The following HDAC9 variants were observed in gnomAD, a reference collection of about 807,000 sequenced individuals.
HDAC9 encodes the protein MEF-2 interacting transcription repressor (MITR) protein.
A neutral mutation model predicts 139.4 loss-of-function variants in HDAC9; 41 were observed. That is an observed-to-expected ratio of 0.29 (90% confidence interval 0.23 to 0.38). The LOEUF (loss-of-function observed/expected upper bound fraction) is 0.38. Ranked by LOEUF, HDAC9 falls within the 10% of genes least tolerant of loss-of-function variation. The pLI is 1.00. For synonymous variants in HDAC9, 517 were observed against 476.2 expected, an observed-to-expected ratio of 1.09 and a Z score of -1.12; for missense variants, 1,147 against 1,297.0, an observed-to-expected ratio of 0.88 and a Z score of 1.78.
intron 14 of HDAC9, 63 bp from the exon 15 acceptor site, chr7:18,762,094 G>T: frequency 1.3e-6 from 2 of 1,560,732 alleles, no homozygotes; most frequent in Admixed American, 1.7e-5. Flanking sequence ...ATGTGACTTG[G>T]GGTCTCATTT....
At chr7:18,342,780 T>C (rs939733023) in intron 1 of HDAC9, among the ~76,000 whole-genome samples, 5 of 151,908 alleles carry the variant, frequency 3.3e-5, no homozygotes, top group African/African-American at 1.2e-4. Context: ...GTCTTTCATT[T>C]GTAAATGCTG....
chr7:18,276,566 C>A (rs763821290), intron 2 of HDAC9, among the ~76,000 whole-genome samples: 1 of 152,156 alleles, frequency 6.6e-6, no homozygotes, highest in Non-Finnish European at 1.5e-5. Flanking sequence ...ATAGGGACAT[C>A]TGTCTCTGCA....
chr7:18,665,225 G>A (rs547691010), intron 11 of HDAC9, among the ~76,000 whole-genome samples: 2 of 152,166 alleles, frequency 1.3e-5, no homozygotes, highest in South Asian at 4.2e-4. Context: ...TACAATAATT[G>A]GCATGTTGCT....
At chr7:18,239,271 G>A (rs1455787581) in intron 2 of HDAC9, among the ~76,000 whole-genome samples, 1 of 152,074 alleles carries the variant, frequency 6.6e-6, no homozygotes, top group Non-Finnish European at 1.5e-5. Context: ...GAAATAGAAG[G>A]AAACCCATTT....
chr7:18,830,656 A>G (rs1048290165), intron 19 of HDAC9, among the ~76,000 whole-genome samples: 3 of 152,176 alleles, frequency 2.0e-5, no homozygotes, highest in African/African-American at 7.2e-5. Flanking sequence ...GAAGAACGAT[A>G]CCCATTTGTT....
intron 1 of HDAC9, among the ~76,000 whole-genome samples, chr7:18,316,172 C>T (rs928401691): frequency 2.0e-5 from 3 of 151,988 alleles, no homozygotes; most frequent in African/African-American, 7.2e-5. Context: ...TAGGGTGAGG[C>T]CTGAGATTTT....
intron 2 of HDAC9, among the ~76,000 whole-genome samples, chr7:18,273,056 G>GTTTTTTTTTTTTTTTTTTTTTTTTTTTT (rs746089054): frequency 1.1e-4 from 9 of 84,774 alleles, no homozygotes; most frequent in Admixed American, 1.2e-4. Context: ...CCCCTTCTTC[G>GTTTTTTTTTTTTTTTTTTTTTTTTTTTT]TTTTTTTTTT....
intron 12 of HDAC9, among the ~76,000 whole-genome samples, chr7:18,716,030 G>C (rs909606053): frequency 1.3e-5 from 2 of 152,134 alleles, no homozygotes; most frequent in Non-Finnish European, 2.9e-5. Flanking sequence ...CTCTCGTTAT[G>C]ATATTTTATA....
chr7:18,187,549 A>T (rs541464340), intron 2 of HDAC9, among the ~76,000 whole-genome samples: 2 of 152,114 alleles, frequency 1.3e-5, no homozygotes, highest in Admixed American at 1.3e-4. Flanking sequence ...TCTTAACTCT[A>T]TTCCCCTCCA....
intron 19 of HDAC9, 22 bp from the exon 20 acceptor site, chr7:18,835,445 G>A (rs555747939): frequency 1.2e-5 from 20 of 1,603,764 alleles, no homozygotes; most frequent in South Asian, 8.9e-5. Context: ...TGTATTTGTC[G>A]TCTGTTTTCA....
intron 12 of HDAC9, among the ~76,000 whole-genome samples, chr7:18,678,004 G>A (rs1781632039): frequency 6.6e-6 from 1 of 151,748 alleles, no homozygotes; most frequent in African/African-American, 2.4e-5. Context: ...GACAGGTTGA[G>A]TTTCATTATC....
chr7:18,254,299 C>T (rs1002155009), intron 2 of HDAC9, among the ~76,000 whole-genome samples: 1 of 152,168 alleles, frequency 6.6e-6, no homozygotes, highest in Non-Finnish European at 1.5e-5. Context: ...TCTAGGAATC[C>T]TCATTAAGTA....
chr7:18,644,413 T>C (rs1786699378), intron 8 of HDAC9, among the ~76,000 whole-genome samples: 1 of 152,146 alleles, frequency 6.6e-6, no homozygotes, highest in African/African-American at 2.4e-5. Context: ...ATGCTGACCA[T>C]ATTTTGTATA....
Position 18,999,650 on chromosome 7 carries a change from G to C in HDAC9, c.*3588G>C, listed in dbSNP as rs1205117894. 1 of 152,106 alleles carries C rather than the reference G, an allele frequency of 6.6e-6. No individual in the cohort carries two copies. The highest frequency in any genetic ancestry group is 2.4e-5 in the African/African-American group (1 of 41,420). The allele number at this position is 152,106 out of a possible 1,614,324, so 9.4% of individuals were successfully genotyped here. A position where few individuals can be genotyped will look rare whatever the true frequency, so the allele number is the denominator to read the frequency against. On this transcript the variant is annotated 3_prime_UTR_variant, in exon 26 of 26. Coordinates refer to ENST00000686413, the MANE Select transcript of HDAC9 (RefSeq NM_178425.4). ...GACGGGGTTTCTCCATGTTGGTCAG[G>C]CTGGTCTCAAACTCCCGACCTCAGG... is the stretch of plus-strand genomic sequence containing the variant.
At chr7:18,128,185 C>CA (rs994602415) in intron 1 of HDAC9, among the ~76,000 whole-genome samples, 1 of 151,992 alleles carries the variant, frequency 6.6e-6, no homozygotes, top group Non-Finnish European at 1.5e-5. Flanking sequence ...GTACCTTTAC[C>CA]AAAAAATCTC....
chr7:18,798,909 C>A (rs985215745), intron 17 of HDAC9, among the ~76,000 whole-genome samples: 1 of 152,014 alleles, frequency 6.6e-6, no homozygotes, highest in South Asian at 2.1e-4. Flanking sequence ...GATTTGTGTT[C>A]CTACTCAGGA....
Position 18,329,269 on chromosome 7 carries a change from G to A in HDAC9, c.-42+38754G>A, listed in dbSNP as rs960617568. 3.3e-4 allele frequency among the ~76,000 whole-genome samples: 50 copies of A among 151,662 alleles called. 1 individual carries two copies. Among genetic ancestry groups the A allele is most frequent in the Admixed American group, 3.0e-3 (45 of 15,202 alleles). On this transcript the variant is annotated intron_variant, in intron 1 of 3. Transcript: ENST00000413509. ...TTAGAGTGGAGGAATCAGTTTTAAT[G>A]TATGTATTTTATATTTCAAAATTAT...
At chr7:18,177,394 C>G (rs17138723) in intron 2 of HDAC9, among the ~76,000 whole-genome samples, 29,266 of 152,038 alleles carry the variant, frequency 0.19, 3,003 homozygotes, top group South Asian at 0.34. Flanking sequence ...ATGTCAGTGG[C>G]TCTCTATCAC....
intron 1 of HDAC9, among the ~76,000 whole-genome samples, chr7:18,096,028 A>G (rs1479667277): frequency 6.6e-6 from 1 of 152,140 alleles, no homozygotes; most frequent in African/African-American, 2.4e-5. Flanking sequence ...TAATCCCTCA[A>G]ATGTCAGGTT....
Sources: allele counts gnomAD v4.1 joint callset (sites outside exome capture counted in the v4.1 genomes callset), GRCh38; gene constraint gnomAD v4.1.1; transcripts MANE v1.5; gene names NCBI Gene and HGNC (gene_info 2026-07-23, HGNC 2026-07-21).